Variants in HSD17B14 observed in about 807,000 individuals in gnomAD.
The protein encoded by HSD17B14 is hydroxysteroid 17-beta dehydrogenase 14, also known as L-fucose dehydrogenase.
HSD17B14 carries 32 observed loss-of-function variants against 32.2 expected under a neutral mutation model. The ratio of observed to expected loss-of-function variants is 0.99; its 90% CI spans 0.75 to 1.33. The LOEUF (loss-of-function observed/expected upper bound fraction) is 1.33, where lower values mean the gene tolerates loss of function less well. HSD17B14 is among the 40% of genes most tolerant of loss of function. HSD17B14 has a pLI of 0.00. For missense variants in HSD17B14, 370 were observed against 366.5 expected (o/e 1.01, Z -0.08); for synonymous variants, 140 against 155.4 (o/e 0.90, Z 0.74).
At position 48,829,843 on chromosome 19, in the gene HSD17B14, A is replaced by G. The variant is rs557452653; in HGVS notation, c.369+1825T>C. ...TTTTTAATAGAGATGGGGTTTCTCC[A>G]TGTTGGTCAGGCTGGTCTCAAACTC... On this transcript the variant is annotated intron_variant, in intron 5 of 8. Transcript: ENST00000263278. 5.3e-5 allele frequency among the ~76,000 whole-genome samples: 8 copies of G among 151,744 alleles called. No individual in the cohort carries two copies. In the South Asian group the frequency reaches 1.7e-3, roughly 32 times the overall value.
At chr19:48,829,491 A>G (rs2035301640) in intron 5 of HSD17B14, among the ~76,000 whole-genome samples, 1 of 151,662 alleles carries the variant, frequency 6.6e-6, no homozygotes, top group Non-Finnish European at 1.5e-5. Context: ...AGCTGGGATT[A>G]CAGGCACCTG....
At chr19:48,823,494 C>A (rs1217932610) in intron 5 of HSD17B14, among the ~76,000 whole-genome samples, 1 of 151,952 alleles carries the variant, frequency 6.6e-6, no homozygotes, top group African/African-American at 2.4e-5. Context: ...TCGTAATATA[C>A]TTTATAATAC....
intron 6 of HSD17B14, among the ~76,000 whole-genome samples, chr19:48,814,634 G>T (rs902121077): frequency 1.3e-5 from 2 of 152,074 alleles, no homozygotes; most frequent in Non-Finnish European, 2.9e-5. Flanking sequence ...GAAGTCAGAA[G>T]ATCGAGACCA....
chr19:48,830,340 G>A (rs568030045), intron 5 of HSD17B14, among the ~76,000 whole-genome samples: 30 of 152,058 alleles, frequency 2.0e-4, no homozygotes, highest in Admixed American at 3.3e-4. Context: ...AGCGCCCAAC[G>A]TCCAGCGTCT....
chr19:48,824,696 G>A (rs1181423039), intron 5 of HSD17B14, among the ~76,000 whole-genome samples: 1 of 151,654 alleles, frequency 6.6e-6, no homozygotes, highest in African/African-American at 2.4e-5. Context: ...AACCCGGGAG[G>A]CAGAGATTGC....
At chr19:48,826,544 C>CATATAT (rs1227928130) in intron 5 of HSD17B14, among the ~76,000 whole-genome samples, 2 of 49,936 alleles carry the variant, frequency 4.0e-5, no homozygotes, top group African/African-American at 1.3e-4. Context: ...TATATATATA[C>CATATAT]ACACACACAC....
chr19:48,836,428 T>C lies in HSD17B14; in HGVS notation c.-17A>G, dbSNP rs762037798. 6.3e-7 allele frequency: 1 copy of C among 1,591,326 alleles called. No individual in the cohort carries two copies. The highest frequency in any genetic ancestry group is 1.1e-5 in the South Asian group (1 of 90,520). On this transcript the variant is annotated 5_prime_UTR_variant, in exon 1 of 9. Transcript: ENST00000263278. ...CGTAGCCATCCCGTGTACGTCGGTC[T>C]CTCTCTCTCTCTACTCTGGGCCTCT...
chr19:48,835,659 A>C, intron 2 of HSD17B14, 146 bp downstream of exon 2: 1 of 702,490 alleles, frequency 1.4e-6, no homozygotes, highest in Admixed American at 2.6e-5. Context: ...CTGAGGGAGG[A>C]GGGGCTGAGG....
At chr19:48,830,976 C>A (rs948094956) in intron 5 of HSD17B14, among the ~76,000 whole-genome samples, 1 of 151,984 alleles carries the variant, frequency 6.6e-6, no homozygotes, top group African/African-American at 2.4e-5. Flanking sequence ...GTAGCTGGGA[C>A]TACAAGGGCA....
intron 5 of HSD17B14, among the ~76,000 whole-genome samples, chr19:48,816,779 T>TTTTCTTTCTTTCTTTCTTTCTTTTTC (rs2035058338): frequency 8.2e-6 from 1 of 122,180 alleles, no homozygotes. Context: ...GCAAGACCCT[T>TTTTCTTTCTTTCTTTCTTTCTTTTTC]TTTCTTTCTT....
intron 1 of HSD17B14, 83 bp from the exon 2 acceptor site, chr19:48,835,926 T>G: frequency 7.9e-7 from 1 of 1,273,030 alleles, no homozygotes; most frequent in Non-Finnish European, 1.1e-6. Context: ...GGATTGGGGC[T>G]GATCTCCCTC....
In HSD17B14 at chr19:48,813,570, G is replaced by A. The variant is rs375667860; in HGVS notation, c.543-18C>T. On this transcript the variant is annotated intron_variant, in intron 7 of 8. Transcript: ENST00000263278. ...GGGAGATACTAGAGGAAGGGAGAGGGGGGATCAAAGCAATCTGTCTCGAAC... is the reference window on the plus strand; with the variant it reads ...GGGAGATACTAGAGGAAGGGAGAGGAGGGATCAAAGCAATCTGTCTCGAAC... The A allele has an allele frequency of 2.2e-5, 36 of 1,613,412 alleles. 2 individuals are homozygous for A. The South Asian group carries it at 3.7e-4, about 17-fold the overall frequency.
chr19:48,815,323 C>T (rs904017582), intron 5 of HSD17B14, among the ~76,000 whole-genome samples, 182 bp from the exon 6 acceptor site: 3 of 152,078 alleles, frequency 2.0e-5, no homozygotes, highest in African/African-American at 7.2e-5. Flanking sequence ...GCCCTGGGGT[C>T]GCTGGGTCTC....
chr19:48,820,719 T>C (rs925796250), intron 5 of HSD17B14, among the ~76,000 whole-genome samples: 28 of 151,186 alleles, frequency 1.9e-4, no homozygotes, highest in African/African-American at 6.5e-4. Flanking sequence ...AGACAGGGTT[T>C]CGGCCGGGCG....
rs74646721 is a variant in HSD17B14, at chr19:48,819,330, G to A, written c.370-4189C>T. ...CTAATACTGGTTCTCCCACTCTCAC[G>A]CTTAACCCTCAGATTTGTCCCTCAT... On this transcript the variant is annotated intron_variant, in intron 5 of 8. Transcript: ENST00000263278. 4.7e-3 allele frequency among the ~76,000 whole-genome samples: 718 copies of A among 152,126 alleles called. 4 individuals are homozygous for A. The highest frequency in any genetic ancestry group is 0.014 in the African/African-American group (600 of 41,526).
At chr19:48,832,512 G>C (rs2035356208) in intron 4 of HSD17B14, among the ~76,000 whole-genome samples, 154 bp downstream of exon 4, 1 of 152,134 alleles carries the variant, frequency 6.6e-6, no homozygotes, top group Non-Finnish European at 1.5e-5. Flanking sequence ...ACAGGCCTGG[G>C]GGGCTTCCAT....
chr19:48,826,703 G>T (rs2122778381), intron 5 of HSD17B14, among the ~76,000 whole-genome samples: 1 of 151,380 alleles, frequency 6.6e-6, no homozygotes, highest in Admixed American at 6.6e-5. Context: ...TTAAGCAGGG[G>T]ATTGCCCAAC....
At position 48,819,681 on chromosome 19, in the gene HSD17B14, G is replaced by A. The variant is rs941920503; in HGVS notation, c.370-4540C>T. Among the ~76,000 whole-genome samples the A allele has an allele frequency of 6.6e-5, 10 of 152,100 alleles. No homozygotes were observed. In the South Asian group the frequency reaches 1.7e-3, roughly 25 times the overall value. Reference sequence around the variant, plus strand: ...GGAAGTTTGGCTACATTCCCTGAACGGGCCAGCCTCCAGGTCACACTCTCC... The same window carrying A: ...GGAAGTTTGGCTACATTCCCTGAACAGGCCAGCCTCCAGGTCACACTCTCC... On this transcript the variant is annotated intron_variant, in intron 5 of 8. Coordinates refer to ENST00000263278, the MANE Select transcript of HSD17B14 (RefSeq NM_016246.3).
intron 5 of HSD17B14, among the ~76,000 whole-genome samples, chr19:48,829,826 A>G (rs1448967542): frequency 6.6e-6 from 1 of 151,438 alleles, no homozygotes; most frequent in Non-Finnish European, 1.5e-5. Flanking sequence ...TATTTTTAAT[A>G]GAGATGGGGT....
Sources: gnomAD v4.1 joint callset for allele counts (sites outside exome capture counted in the v4.1 genomes callset) on GRCh38, gnomAD v4.1.1 for gene constraint, MANE v1.5 for transcripts, NCBI Gene and HGNC (gene_info 2026-07-23, HGNC 2026-07-21) for gene names.